The following RPL15 variants were observed in gnomAD, a reference collection of about 807,000 sequenced individuals.
The protein encoded by RPL15 is large ribosomal subunit protein eL15.
For synonymous variants in RPL15, 97 were observed against 95.1 expected (o/e 1.02, Z -0.12); for missense variants, 161 against 271.8 (o/e 0.59, Z 2.87).
chr3:23,918,631 G>C (rs751970353), intron 3 of RPL15, 55 bp downstream of exon 3: 39 of 1,575,532 alleles, frequency 2.5e-5, no homozygotes, highest in Non-Finnish European at 3.4e-5. Flanking sequence ...TGGTGGGAGA[G>C]AGAGATTAAG....
rs1201347402 is a variant in RPL15 at position 23,918,702 on chromosome 3, T to A, written c.309+126T>A. 7.7e-6 allele frequency: 9 copies of A among 1,171,198 alleles called. No individual in the cohort carries two copies. The African/African-American group carries it at 1.4e-4, about 18-fold the overall frequency. The allele number at this position is 1,171,198 out of a possible 1,614,324, so 72.6% of individuals were successfully genotyped here. On this transcript the variant is annotated intron_variant, in intron 3 of 3. Coordinates refer to ENST00000307839, the MANE Select transcript of RPL15 (RefSeq NM_002948.5). ...TATATAAAACAGGGTTTGTGATTTTTACTAATCTTGGTGAAGAGTAATTGC... is the reference window on the plus strand; with the variant it reads ...TATATAAAACAGGGTTTGTGATTTTAACTAATCTTGGTGAAGAGTAATTGC...
downstream of RPL15, chr3:23,923,110 T>C (rs1333031818): frequency 1.2e-4 from 19 of 152,196 alleles, no homozygotes; most frequent in Admixed American, 1.2e-3. Flanking sequence ...GGCCTACATA[T>C]GTATTTTTTC....
downstream of RPL15, among the ~76,000 whole-genome samples, chr3:23,924,608 C>G (rs930562846): frequency 1.3e-5 from 2 of 152,104 alleles, no homozygotes; most frequent in Non-Finnish European, 2.9e-5. Context: ...CCATGTTTGC[C>G]AGGCTGGTCT....
downstream of RPL15, chr3:23,923,258 T>G (rs1024168556): frequency 4.0e-5 from 6 of 150,450 alleles, no homozygotes; most frequent in African/African-American, 1.5e-4. Flanking sequence ...TTTGCTCTTA[T>G]AGCCCAGGTT....
At chr3:23,921,421 C>G (rs1275702090), downstream of RPL15, among the ~76,000 whole-genome samples, 1 of 152,200 alleles carries the variant, frequency 6.6e-6, no homozygotes, top group African/African-American at 2.4e-5. Flanking sequence ...ATACACCAAA[C>G]ACTTCCTAAT....
rs1002624626 is a variant in RPL15 at position 23,920,720 on chromosome 3, T to C, written c.*1219T>C. On this transcript the variant is annotated 3_prime_UTR_variant, in exon 4 of 4. Coordinates refer to ENST00000307839, the MANE Select transcript of RPL15 (RefSeq NM_002948.5). ...TTAATTGATTTCCAGGAAGTACTCA[T>C]AGCAAGTTCATAAAAGTTCTTGAGA... 8 of 982,192 alleles carry C rather than the reference T, an allele frequency of 8.1e-6. No individual in the cohort carries two copies. The highest frequency in any genetic ancestry group is 7.2e-5 in the African/African-American group (4 of 55,502). The allele number at this position is 982,192 out of a possible 1,614,324, so 60.8% of individuals were successfully genotyped here. A position where few individuals can be genotyped will look rare whatever the true frequency, so the allele number is the denominator to read the frequency against.
At position 23,919,819 on chromosome 3, in the gene RPL15, G is replaced by A; in HGVS notation, c.*318G>A. Reference sequence around the variant, plus strand: ...GAAACTAGCCCTGTAGATTTGTCTGGTGCATGTGATGAAACCTGCAGCTTT... The same window carrying A: ...GAAACTAGCCCTGTAGATTTGTCTGATGCATGTGATGAAACCTGCAGCTTT... On this transcript the variant is annotated 3_prime_UTR_variant, in exon 4 of 4. Coordinates refer to ENST00000307839, the MANE Select transcript of RPL15 (RefSeq NM_002948.5). 1 of 1,048,398 alleles carries A rather than the reference G, an allele frequency of 9.5e-7. No homozygotes were observed. Among genetic ancestry groups the A allele is most frequent in the Non-Finnish European group, 1.1e-6 (1 of 871,068 alleles). The allele number at this position is 1,048,398 out of a possible 1,614,324, so 64.9% of individuals were successfully genotyped here. A position where few individuals can be genotyped will look rare whatever the true frequency, so the allele number is the denominator to read the frequency against.
rs1383888303 is a variant in RPL15 at position 23,920,760 on chromosome 3, CAAA to C, written c.*1264_*1266del. The C allele has an allele frequency of 1.0e-6, 1 of 970,808 alleles. No individual in the cohort carries two copies. The highest frequency in any genetic ancestry group is 1.2e-6 in the Non-Finnish European group (1 of 816,958). The allele number at this position is 970,808 out of a possible 1,614,324, so 60.1% of individuals were successfully genotyped here. A position where few individuals can be genotyped will look rare whatever the true frequency, so the allele number is the denominator to read the frequency against. ...AGTTCTTGAGACCTAAATTTCTTCACAAAAAAAGAAAAGATCTTAAGTCATACA... is the reference window on the plus strand; with the variant it reads ...AGTTCTTGAGACCTAAATTTCTTCACAAAAGAAAAGATCTTAAGTCATACA... On this transcript the variant is annotated 3_prime_UTR_variant, in exon 4 of 4. Coordinates refer to ENST00000307839, the MANE Select transcript of RPL15 (RefSeq NM_002948.5).
chr3:23,919,606 G>T lies in RPL15; in HGVS notation c.*105G>T. The T allele has an allele frequency of 7.0e-7, 1 of 1,422,764 alleles. No individual in the cohort carries two copies. The highest frequency in any genetic ancestry group is 1.6e-5 in the South Asian group (1 of 63,402). The allele number at this position is 1,422,764 out of a possible 1,614,324, so 88.1% of individuals were successfully genotyped here. On this transcript the variant is annotated 3_prime_UTR_variant, in exon 4 of 4. Coordinates refer to ENST00000307839, the MANE Select transcript of RPL15 (RefSeq NM_002948.5). ...TAAAACTAGTCTGCAGATGTTTCTT[G>T]AATGCTTTGTCAAATTAAGAAAGTT...
Position 23,920,199 on chromosome 3 carries a change from A to G in RPL15, c.*698A>G. On this transcript the variant is annotated 3_prime_UTR_variant, in exon 4 of 4. Transcript: ENST00000307839. ...AAATACCTTTCAAGTGTGAGCTTAG[A>G]CGTCAACCCTAAAATACTTAACCGT... 2 of 985,856 alleles carry G rather than the reference A, an allele frequency of 2.0e-6. No homozygotes were observed. The highest frequency in any genetic ancestry group is 2.4e-6 in the Non-Finnish European group (2 of 829,928). The allele number at this position is 985,856 out of a possible 1,614,324, so 61.1% of individuals were successfully genotyped here.
chr3:23,917,520 C>G (rs1479972675), intron 1 of RPL15: 1 of 224,704 alleles, frequency 4.5e-6, no homozygotes, highest in Non-Finnish European at 8.7e-6. Context: ...AGTACCTTGT[C>G]CTGTGATGTC....
chr3:23,919,765 C>T lies in RPL15; in HGVS notation c.*264C>T, dbSNP rs1424622749. The T allele has an allele frequency of 1.7e-6, 2 of 1,167,808 alleles. No homozygotes were observed. The highest frequency in any genetic ancestry group is 2.1e-6 in the Non-Finnish European group (2 of 946,564). The allele number at this position is 1,167,808 out of a possible 1,614,324, so 72.3% of individuals were successfully genotyped here. A position where few individuals can be genotyped will look rare whatever the true frequency, so the allele number is the denominator to read the frequency against. The stretch of plus-strand genomic sequence containing the variant: ...AAAACATACTGTGTGGTATAACAGG[C>T]TTAATAAATTCTTTAAAAGGAGAGA... On this transcript the variant is annotated 3_prime_UTR_variant, in exon 4 of 4. Transcript: ENST00000307839.
In RPL15 at chr3:23,919,015, T is replaced by G. The variant is rs1255224211; in HGVS notation, c.310-181T>G. Reference sequence around the variant, plus strand: ...TGTGTTTCAGTCTATGTGTGTTGTTTTAGCAAGTCTACATTATCTCATTAC... The same window carrying G: ...TGTGTTTCAGTCTATGTGTGTTGTTGTAGCAAGTCTACATTATCTCATTAC... On this transcript the variant is annotated intron_variant, in intron 3 of 3. Coordinates refer to ENST00000307839, the MANE Select transcript of RPL15 (RefSeq NM_002948.5). The G allele has an allele frequency of 8.2e-6, 5 of 607,632 alleles. No individual in the cohort carries two copies. In the East Asian group the frequency reaches 1.4e-4, roughly 17 times the overall value. The allele number at this position is 607,632 out of a possible 1,614,324, so 37.6% of individuals were successfully genotyped here. A position where few individuals can be genotyped will look rare whatever the true frequency, so the allele number is the denominator to read the frequency against.
intron 1 of RPL15, 92 bp from the exon 2 acceptor site, chr3:23,917,758 C>T (rs1037263326): frequency 2.2e-5 from 29 of 1,315,420 alleles, no homozygotes; most frequent in Middle Eastern, 5.5e-4. Flanking sequence ...CCGGCGGTTT[C>T]CTTGTTTTTG....
chr3:23,916,608 C>G (rs1459414974), upstream of RPL15: 1 of 152,340 alleles, frequency 6.6e-6, no homozygotes, highest in African/African-American at 2.4e-5. Flanking sequence ...CGCGACGCCC[C>G]GACTCCGCGA....
intron 2 of RPL15, 107 bp downstream of exon 2, chr3:23,918,138 C>A: frequency 7.2e-7 from 1 of 1,384,696 alleles, no homozygotes; most frequent in Non-Finnish European, 9.7e-7. Context: ...TCGCATAGGG[C>A]TTTGGCAGAA....
upstream of RPL15, chr3:23,916,931 A>G (rs1704598198): frequency 6.6e-6 from 1 of 152,498 alleles, no homozygotes; most frequent in Non-Finnish European, 1.5e-5. Context: ...CAACTCTCTC[A>G]CCTCTCGAGA....
chr3:23,921,707 C>T (rs1311016091), downstream of RPL15: 1 of 652,122 alleles, frequency 1.5e-6, no homozygotes, highest in South Asian at 1.7e-5. Context: ...CCCAAATAGC[C>T]AGGACTACAG....
chr3:23,924,589 G>A (rs1375103374), downstream of RPL15, among the ~76,000 whole-genome samples: 2 of 151,986 alleles, frequency 1.3e-5, no homozygotes, highest in South Asian at 2.1e-4. Context: ...TAGTAGAGGC[G>A]GGTTTGCACC....
Sources: gnomAD v4.1 joint callset for allele counts (sites outside exome capture counted in the v4.1 genomes callset) on GRCh38, gnomAD v4.1.1 for gene constraint, MANE v1.5 for transcripts, NCBI Gene and HGNC (gene_info 2026-07-23, HGNC 2026-07-21) for gene names.